EMP2: variants seen among roughly 807,000 people sequenced by gnomAD.
The protein encoded by EMP2 is epithelial membrane protein 2.
EMP2 carries 19 observed loss-of-function variants against 13.7 expected under a neutral mutation model. That is an observed-to-expected ratio of 1.38 (90% CI 0.97 to 2.03). The LOEUF (loss-of-function observed/expected upper bound fraction) is 2.03, where lower values mean the gene tolerates loss of function less well. Among genes scored for constraint, EMP2 ranks in the 30% most tolerant of loss-of-function variants. The probability of loss-of-function intolerance (pLI) is 0.00; values close to 1 mark genes in which losing one functional copy is unlikely to be tolerated. For missense variants in EMP2, 253 were observed against 220.7 expected (o/e 1.15, Z -0.93); for synonymous variants, 97 against 84.7 (o/e 1.15, Z -0.80).
At chr16:10,535,169 G>C (rs140988181) in intron 4 of EMP2, among the ~76,000 whole-genome samples, 3 of 152,204 alleles carry the variant, frequency 2.0e-5, no homozygotes, top group African/African-American at 4.8e-5. Context: ...TGCGTCTAAA[G>C]ATCCCTGCCT....
intron 1 of EMP2, among the ~76,000 whole-genome samples, chr16:10,557,992 G>A (rs976166916): frequency 1.3e-5 from 2 of 151,460 alleles, no homozygotes; most frequent in African/African-American, 4.9e-5. Context: ...TGGAAATTCT[G>A]CACACAAAGT....
At chr16:10,541,406 GGT>G (rs149987723) in intron 3 of EMP2, among the ~76,000 whole-genome samples, 8 of 151,572 alleles carry the variant, frequency 5.3e-5, no homozygotes, top group African/African-American at 1.5e-4. Context: ...TGTTTTTAGG[GGT>G]GTGTGTGTGT....
At chr16:10,571,246 A>G (rs1019631906) in intron 1 of EMP2, among the ~76,000 whole-genome samples, 3 of 126,520 alleles carry the variant, frequency 2.4e-5, no homozygotes, top group African/African-American at 9.4e-5. Flanking sequence ...ACAGAGCAAG[A>G]CTCCGTCTCA....
rs376706462 is a variant in EMP2, at chr16:10,554,914, A to G, written c.-60-7237T>C. 1.2e-4 allele frequency among the ~76,000 whole-genome samples: 18 copies of G among 152,204 alleles called. 1 individual carries two copies. The South Asian group carries it at 3.7e-3, about 32-fold the overall frequency. The stretch of plus-strand genomic sequence containing the variant: ...AAGTAACCACGCCCCCTCCAGCATA[A>G]TCTAGCCCATCCCCCTAGTTTATTT... On this transcript the variant is annotated intron_variant, in intron 1 of 4. Transcript: ENST00000359543.
chr16:10,559,738 G>A (rs112565826), intron 1 of EMP2, among the ~76,000 whole-genome samples: 1,902 of 152,224 alleles, frequency 0.012, 11 homozygotes, highest in Non-Finnish European at 0.02. Flanking sequence ...GCCATGGTGC[G>A]ATCTCAGCTC....
In EMP2 at chr16:10,537,928, A is replaced by G. The variant is rs1232584810; in HGVS notation, c.316T>C (p.Cys106Arg). 5 of 1,614,066 alleles carry G rather than the reference A, an allele frequency of 3.1e-6. No homozygotes were observed. The highest frequency in any genetic ancestry group is 2.2e-5 in the East Asian group (1 of 44,876). ...VLTSIIQLMS[C>R]LCVMIAASIY... is the part of the protein sequence containing the mutation. Reference sequence around the variant, plus strand: ...TAGGGAAGCCCGTTGATGTACTTACATGACATTAGCTGGATGATGGAGGTT... The same window carrying G: ...TAGGGAAGCCCGTTGATGTACTTACGTGACATTAGCTGGATGATGGAGGTT... The change falls in exon 4 of 5, where the codon TGT (cysteine) becomes CGT (arginine). Residue 106 changes from cysteine to arginine, a missense_variant and splice_region_variant. Physicochemically the swap from Cys to Arg is radical, Grantham distance 180. Transcript: ENST00000359543.
chr16:10,554,857 C>T (rs1032696382), intron 1 of EMP2, among the ~76,000 whole-genome samples: 38 of 152,120 alleles, frequency 2.5e-4, no homozygotes, highest in Non-Finnish European at 1.3e-4. Flanking sequence ...AACATCATCT[C>T]CCCAGAAAAG....
At chr16:10,575,237 C>CTTTTTT (rs761837614) in intron 1 of EMP2, among the ~76,000 whole-genome samples, 573 of 52,454 alleles carry the variant, frequency 0.011, 115 homozygotes, top group Admixed American at 0.013. Context: ...AGCTTGCATT[C>CTTTTTT]TTTTTTTTTT....
intron 3 of EMP2, among the ~76,000 whole-genome samples, chr16:10,538,436 A>G (rs1368255224): frequency 1.3e-5 from 2 of 152,162 alleles, no homozygotes; most frequent in East Asian, 3.8e-4. Context: ...GTGACTCAAG[A>G]AATCAGGATG....
rs757394272 is a variant in EMP2, at chr16:10,537,958, C to G, written c.286G>C (p.Val96Leu). 6.2e-7 allele frequency: 1 copy of G among 1,614,122 alleles called. No individual in the cohort carries two copies. The highest frequency in any genetic ancestry group is 1.3e-5 in the African/African-American group (1 of 75,010). Residue 96 changes from valine (V) to leucine (L), a missense_variant, in exon 4 of 5, where the codon GTC becomes CTC. Val to Leu is a conservative substitution (Grantham distance 32). Transcript: ENST00000359543. The part of the protein sequence containing the change: ...LFRLKQGERF[V>L]LTSIIQLMSC... ...ATTAGCTGGATGATGGAGGTTAGGA[C>G]AAACCTCTCTCCCTGCTTCAGGCGG...
chr16:10,575,108 G>A (rs928391683), intron 1 of EMP2, among the ~76,000 whole-genome samples: 3 of 151,950 alleles, frequency 2.0e-5, no homozygotes, highest in African/African-American at 7.3e-5. Context: ...AACCATCACT[G>A]CTTGGGGAAT....
At chr16:10,567,191 G>A (rs1024765619) in intron 1 of EMP2, among the ~76,000 whole-genome samples, 7 of 152,182 alleles carry the variant, frequency 4.6e-5, no homozygotes, top group African/African-American at 1.4e-4. Context: ...AGCGGGCAGG[G>A]ATTTATGTCG....
At chr16:10,537,850 G>A (rs1187267701) in intron 4 of EMP2, 78 bp downstream of exon 4, 5 of 1,564,936 alleles carry the variant, frequency 3.2e-6, no homozygotes, top group South Asian at 1.2e-5. Context: ...CCCTCCTCCT[G>A]GCTTCCCTCC....
chr16:10,540,376 C>A (rs2050685118), intron 3 of EMP2, among the ~76,000 whole-genome samples: 1 of 152,044 alleles, frequency 6.6e-6, no homozygotes, highest in Non-Finnish European at 1.5e-5. Context: ...TGTGGTGGCA[C>A]ACACCTGTAA....
rs34230660 is a variant in EMP2, at chr16:10,532,752, T to C, written c.*153A>G. On this transcript the variant is annotated 3_prime_UTR_variant, in exon 5 of 5. Coordinates refer to ENST00000359543, the MANE Select transcript of EMP2 (RefSeq NM_001424.6). ...TTCTCTCTTTTGGATTTTTTTTTTC[T>C]TTTTTCTTTTTTTTTTTTTTTTTTT... 4.4e-6 allele frequency: 1 copy of C among 224,780 alleles called. No homozygotes were observed. Among genetic ancestry groups the C allele is most frequent in the South Asian group, 1.8e-4 (1 of 5,482 alleles). 13.9% of individuals were successfully genotyped at this position (224,780 alleles called of 1,614,324 possible).
intron 1 of EMP2, among the ~76,000 whole-genome samples, chr16:10,564,839 T>C (rs2050896587): frequency 6.6e-6 from 1 of 152,196 alleles, no homozygotes; most frequent in Admixed American, 6.5e-5. Context: ...AACGCTTATG[T>C]CGACATTTCC....
intron 1 of EMP2, among the ~76,000 whole-genome samples, chr16:10,568,112 C>G (rs1051828982): frequency 2.6e-5 from 4 of 152,148 alleles, no homozygotes; most frequent in Non-Finnish European, 4.4e-5. Flanking sequence ...ACCAGGGCTG[C>G]AGAAAAATCA....
chr16:10,568,880 G>A (rs950358254), intron 1 of EMP2, among the ~76,000 whole-genome samples: 18 of 135,364 alleles, frequency 1.3e-4, no homozygotes, highest in African/African-American at 4.5e-4. Context: ...TCTGCCTCCC[G>A]GGTTCAAGCA....
chr16:10,538,472 G>A (rs1305490216), intron 3 of EMP2, among the ~76,000 whole-genome samples: 3 of 152,212 alleles, frequency 2.0e-5, no homozygotes, highest in Admixed American at 1.3e-4. Flanking sequence ...CCATTTTAGA[G>A]AGGGATTCCC....
Sources: gnomAD v4.1 joint callset for allele counts (sites outside exome capture counted in the v4.1 genomes callset) on GRCh38, gnomAD v4.1.1 for gene constraint, MANE v1.5 for transcripts, NCBI Gene and HGNC (gene_info 2026-07-23, HGNC 2026-07-21) for gene names.